CDKN2AIPNL: variants seen among roughly 807,000 people sequenced by gnomAD.
The protein encoded by CDKN2AIPNL is XRN2 binding domain containing 1.
A neutral mutation model predicts 12.9 loss-of-function variants in CDKN2AIPNL; 9 were observed. That is an observed-to-expected ratio of 0.70 (90% confidence interval 0.42 to 1.22). The LOEUF is 1.22. Ranked by LOEUF, CDKN2AIPNL falls within the 50% of genes most tolerant of loss-of-function variation. CDKN2AIPNL has a pLI of 0.00. For missense variants in CDKN2AIPNL, 143 were observed against 153.6 expected (o/e 0.93, Z 0.37); for synonymous variants, 53 against 61.7 (o/e 0.86, Z 0.66).
intron 2 of CDKN2AIPNL, among the ~76,000 whole-genome samples, chr5:134,408,262 T>G (rs571987567): frequency 1.3e-5 from 2 of 152,056 alleles, no homozygotes; most frequent in Admixed American, 6.6e-5. Context: ...AACCTTACTA[T>G]AGAACACCCA....
chr5:134,403,149 G>A (rs1276319901), intron 2 of CDKN2AIPNL, among the ~76,000 whole-genome samples: 1 of 152,148 alleles, frequency 6.6e-6, no homozygotes, highest in Admixed American at 6.5e-5. Flanking sequence ...CTTGTCACTT[G>A]CAATCTATAA....
chr5:134,405,526 C>T (rs1014823980), intron 2 of CDKN2AIPNL, among the ~76,000 whole-genome samples: 22 of 152,092 alleles, frequency 1.4e-4, no homozygotes, highest in African/African-American at 5.3e-4. Context: ...AAGTGATTCT[C>T]CTGCCTCAGC....
Position 134,411,861 on chromosome 5 carries a change from C to CG in CDKN2AIPNL, c.-8dup, listed in dbSNP as rs1163585577. 6.4e-7 allele frequency: 1 copy of CG among 1,560,076 alleles called. No homozygotes were observed. Among genetic ancestry groups the CG allele is most frequent in the South Asian group, 1.2e-5 (1 of 85,464 alleles). On this transcript the variant is annotated 5_prime_UTR_variant, in exon 1 of 3. Transcript: ENST00000458198. The stretch of plus-strand genomic sequence containing the variant: ...CCGCCTCGCCACCGACCATGGTGCC[C>CG]GCCGCAGCCGAGGACCGGATAGCCC...
chr5:134,406,105 A>G (rs922443654), intron 2 of CDKN2AIPNL, among the ~76,000 whole-genome samples: 7 of 152,208 alleles, frequency 4.6e-5, no homozygotes, highest in African/African-American at 1.7e-4. Flanking sequence ...CCTGTCAGAA[A>G]CCAATGCTCA....
At chr5:134,405,988 C>A (rs923657799) in intron 2 of CDKN2AIPNL, among the ~76,000 whole-genome samples, 1 of 152,118 alleles carries the variant, frequency 6.6e-6, no homozygotes, top group African/African-American at 2.4e-5. Context: ...CCAGCAGTAG[C>A]CTAGGATGGC....
At chr5:134,407,399 C>T (rs1285554340) in intron 2 of CDKN2AIPNL, among the ~76,000 whole-genome samples, 2 of 151,956 alleles carry the variant, frequency 1.3e-5, no homozygotes, top group Non-Finnish European at 2.9e-5. Flanking sequence ...ATCTCTAATA[C>T]CCAACATGAC....
intron 2 of CDKN2AIPNL, among the ~76,000 whole-genome samples, chr5:134,405,391 C>G (rs1759089135): frequency 6.6e-6 from 1 of 151,706 alleles, no homozygotes; most frequent in African/African-American, 2.4e-5. Context: ...AGGCGTGAGC[C>G]ACCGCGCCCA....
In CDKN2AIPNL at chr5:134,411,166, G is replaced by C. The variant is rs1759185098; in HGVS notation, c.239+450C>G. 5.7e-6 allele frequency: 4 copies of C among 701,288 alleles called. No individual in the cohort carries two copies. The Admixed American group carries it at 8.0e-5, about 14-fold the overall frequency. 43.4% of individuals were successfully genotyped at this position (701,288 alleles called of 1,614,324 possible). Reference sequence around the variant, plus strand: ...AAATCCATCAATCCTGCCAGAAGCTGCATGGCCCCAGGTATATCACTTCTC... The same window carrying C: ...AAATCCATCAATCCTGCCAGAAGCTCCATGGCCCCAGGTATATCACTTCTC... On this transcript the variant is annotated intron_variant, in intron 1 of 2. Coordinates refer to ENST00000458198, the MANE Select transcript of CDKN2AIPNL (RefSeq NM_080656.3).
rs571987567 is a variant in CDKN2AIPNL, at chr5:134,408,262, T to C, written c.339+1641A>G. Among the ~76,000 whole-genome samples the C allele has an allele frequency of 1.8e-4, 27 of 152,174 alleles. 1 individual carries two copies. In the South Asian group the frequency reaches 5.6e-3, roughly 32 times the overall value. On this transcript the variant is annotated intron_variant, in intron 2 of 2. Coordinates refer to ENST00000458198, the MANE Select transcript of CDKN2AIPNL (RefSeq NM_080656.3). ...TGGCTGGGCCCCAAGAACCTTACTA[T>C]AGAACACCCAAGGACTGCCCAGTAT...
At chr5:134,405,051 C>T (rs1462122810) in intron 2 of CDKN2AIPNL, among the ~76,000 whole-genome samples, 2 of 151,968 alleles carry the variant, frequency 1.3e-5, no homozygotes, top group African/African-American at 2.4e-5. Flanking sequence ...CCCCAAAGTG[C>T]TGGGATTATA....
rs1459005368 is a variant in CDKN2AIPNL, at chr5:134,411,611, C to A, written c.239+5G>T. On this transcript the variant is annotated splice_donor_5th_base_variant and intron_variant, in intron 1 of 2. Transcript: ENST00000458198. Reference sequence around the variant, plus strand: ...CAGGATCAGCCGGCCGGCAGGGGTCCGCACCTGCAGCCTAGGAAGAGATGG... The same window carrying A: ...CAGGATCAGCCGGCCGGCAGGGGTCAGCACCTGCAGCCTAGGAAGAGATGG... 1 of 1,609,720 alleles carries A rather than the reference C, an allele frequency of 6.2e-7. No individual in the cohort carries two copies. Among genetic ancestry groups the A allele is most frequent in the Admixed American group, 1.7e-5 (1 of 59,676 alleles).
chr5:134,404,113 G>A (rs1759067804), intron 2 of CDKN2AIPNL, among the ~76,000 whole-genome samples: 1 of 152,194 alleles, frequency 6.6e-6, no homozygotes, highest in African/African-American at 2.4e-5. Flanking sequence ...AGCTGCCGCC[G>A]GTTTGGGCTG....
chr5:134,408,513 C>A (rs1286948496), intron 2 of CDKN2AIPNL, among the ~76,000 whole-genome samples: 75 of 112,632 alleles, frequency 6.7e-4, no homozygotes, highest in African/African-American at 8.9e-4. Flanking sequence ...ACTAAAAATA[C>A]AAAAAAAAAA....
intron 2 of CDKN2AIPNL, among the ~76,000 whole-genome samples, chr5:134,405,273 T>C (rs1759086866): frequency 2.0e-5 from 3 of 149,592 alleles, no homozygotes; most frequent in Admixed American, 2.0e-4. Context: ...GCCCGGCTAA[T>C]TTTTTGTATT....
chr5:134,411,223 T>C, intron 1 of CDKN2AIPNL: 1 of 647,634 alleles, frequency 1.5e-6, no homozygotes, highest in East Asian at 2.7e-5. Context: ...AAAATGGGGA[T>C]CTCCGTTTCT....
At chr5:134,409,879 C>T in intron 2 of CDKN2AIPNL, 24 bp downstream of exon 2, 1 of 1,462,162 alleles carries the variant, frequency 6.8e-7, no homozygotes, top group Non-Finnish European at 9.6e-7. Context: ...CATTTCATCA[C>T]ATGCACTTGG....
At chr5:134,403,866 C>T (rs921967780) in intron 2 of CDKN2AIPNL, among the ~76,000 whole-genome samples, 1 of 152,198 alleles carries the variant, frequency 6.6e-6, no homozygotes, top group Non-Finnish European at 1.5e-5. Flanking sequence ...CCTCATGATC[C>T]ACCCACCTCG....
chr5:134,410,774 AG>A, intron 1 of CDKN2AIPNL: 2 of 535,182 alleles, frequency 3.7e-6, no homozygotes, highest in Admixed American at 3.1e-5. Flanking sequence ...TTAGGCCTGC[AG>A]GGGCCAAATG....
At chr5:134,405,112 T>C (rs1759083169) in intron 2 of CDKN2AIPNL, among the ~76,000 whole-genome samples, 1 of 150,858 alleles carries the variant, frequency 6.6e-6, no homozygotes, top group African/African-American at 2.4e-5. Context: ...ATTTTTCTTT[T>C]TTTTTTTTTT....
Sources: gnomAD v4.1 joint callset for allele counts (sites outside exome capture counted in the v4.1 genomes callset) on GRCh38, gnomAD v4.1.1 for gene constraint, MANE v1.5 for transcripts, NCBI Gene and HGNC (gene_info 2026-07-23, HGNC 2026-07-21) for gene names.